Variants in GRK5 observed in about 807,000 individuals in gnomAD.
GRK5 encodes g protein-coupled receptor kinase GRK5.
GRK5 carries 40 observed loss-of-function variants against 78.4 expected under a neutral mutation model. The ratio of observed to expected loss-of-function variants is 0.51; its 90% CI spans 0.40 to 0.66. The LOEUF is 0.66. Among genes scored for constraint, GRK5 ranks in the 30% least tolerant of loss-of-function variants. The probability of loss-of-function intolerance (pLI) is 0.00; values close to 1 mark genes in which losing one functional copy is unlikely to be tolerated. For missense variants in GRK5, 598 were observed against 759.9 expected (o/e 0.79, Z 2.50); for synonymous variants, 289 against 296.8 (o/e 0.97, Z 0.27).
chr10:119,452,330 C>CT lies in GRK5; in HGVS notation c.1405-341_1405-340insT, dbSNP rs1853303538. 6.6e-6 allele frequency: 2 copies of CT among 301,522 alleles called. No individual in the cohort carries two copies. Among genetic ancestry groups the CT allele is most frequent in the African/African-American group, 4.3e-5 (2 of 46,978 alleles). The allele number at this position is 301,522 out of a possible 1,614,324, so 18.7% of individuals were successfully genotyped here. A position where few individuals can be genotyped will look rare whatever the true frequency, so the allele number is the denominator to read the frequency against. ...TAAGGGAGTGATGGCAGGAATGAGC[C>CT]CTGGGCTGGGCACCCAGGTGCCCCG... is the stretch of plus-strand genomic sequence containing the variant. On this transcript the variant is annotated intron_variant, in intron 13 of 15. Transcript: ENST00000392870. The surrounding 1 kb of genome is among the most constrained non-coding windows in gnomAD (Gnocchi z 4.4).
rs147251247 is a variant in GRK5 at position 119,441,920 on chromosome 10, C to T, written c.968-79C>T. On this transcript the variant is annotated intron_variant, in intron 10 of 15. Transcript: ENST00000392870. Reference sequence around the variant, plus strand: ...GATGAGAATGCCGAGAGCTCGTATGCCTTGCCCAAGGGCACACAGCAAGGC... The same window carrying T: ...GATGAGAATGCCGAGAGCTCGTATGTCTTGCCCAAGGGCACACAGCAAGGC... The T allele has an allele frequency of 7.4e-5, 83 of 1,118,450 alleles. 1 individual carries two copies. The African/African-American group carries it at 1.2e-3, about 16-fold the overall frequency. 69.3% of individuals were successfully genotyped at this position (1,118,450 alleles called of 1,614,324 possible).
Position 119,336,838 on chromosome 10 carries a change from G to A in GRK5, c.148+10227G>A, listed in dbSNP as rs1202381757. Reference sequence around the variant, plus strand: ...TGGAGGGCGAAATAAATTTAGATGTGTCGGGTTTGGAACATCAGGTGACCT... The same window carrying A: ...TGGAGGGCGAAATAAATTTAGATGTATCGGGTTTGGAACATCAGGTGACCT... On this transcript the variant is annotated intron_variant, in intron 2 of 15. Transcript: ENST00000392870. This position sits in a 1 kb window ranked among gnomAD's most constrained non-coding sequence, Gnocchi z 4.5. 6.6e-6 allele frequency among the ~76,000 whole-genome samples: 1 copy of A among 152,180 alleles called. No homozygotes were observed. Among genetic ancestry groups the A allele is most frequent in the Non-Finnish European group, 1.5e-5 (1 of 68,038 alleles).
At chr10:119,394,745 G>A (rs1181608081) in intron 3 of GRK5, among the ~76,000 whole-genome samples, 1 of 113,770 alleles carries the variant, frequency 8.8e-6, no homozygotes, top group Non-Finnish European at 2.0e-5. Flanking sequence ...GGGTGTGTGT[G>A]TGTCTGTGTG....
In GRK5 at chr10:119,307,569, T is replaced by C. The variant is rs1326833674; in HGVS notation, c.53-18947T>C. Among the ~76,000 whole-genome samples, 2 of 152,156 alleles carry C rather than the reference T, an allele frequency of 1.3e-5. 1 individual carries two copies. The highest frequency in any genetic ancestry group is 4.8e-5 in the African/African-American group (2 of 41,400). On this transcript the variant is annotated intron_variant, in intron 1 of 15. Coordinates refer to ENST00000392870, the MANE Select transcript of GRK5 (RefSeq NM_005308.3). ...TGAGCCAAGGAATAGAGGTGGCCTG[T>C]AGATTCTCCCCTGGAGTCTCCAGAA...
chr10:119,273,542 C>A (rs1407761893), intron 1 of GRK5, among the ~76,000 whole-genome samples: 1 of 152,188 alleles, frequency 6.6e-6, no homozygotes, highest in Non-Finnish European at 1.5e-5. Context: ...TCAAGCCCTC[C>A]CAAGGTGCTG....
chr10:119,289,116 CTG>C (rs1849908047), intron 1 of GRK5, among the ~76,000 whole-genome samples: 1 of 152,048 alleles, frequency 6.6e-6, no homozygotes, highest in Non-Finnish European at 1.5e-5. Context: ...TTTTCAGAAA[CTG>C]TGATTTTTCA....
intron 1 of GRK5, among the ~76,000 whole-genome samples, chr10:119,210,658 A>G (rs1244630549): frequency 6.6e-6 from 1 of 152,256 alleles, no homozygotes; most frequent in Non-Finnish European, 1.5e-5. Flanking sequence ...GATTCTTGTC[A>G]GTGGTTACAG....
In GRK5 at chr10:119,412,796, G is replaced by A. The variant is rs988699779; in HGVS notation, c.340-10370G>A. Among the ~76,000 whole-genome samples, 5 of 152,338 alleles carry A rather than the reference G, an allele frequency of 3.3e-5. No homozygotes were observed. The South Asian group carries it at 1.0e-3, about 32-fold the overall frequency. Reference sequence around the variant, plus strand: ...TCTCTGGTTGTGACCGTATGAGCATGTTTAATTGCAAGCCAGGGTTTAGGG... The same window carrying A: ...TCTCTGGTTGTGACCGTATGAGCATATTTAATTGCAAGCCAGGGTTTAGGG... On this transcript the variant is annotated intron_variant, in intron 4 of 15. Coordinates refer to ENST00000392870, the MANE Select transcript of GRK5 (RefSeq NM_005308.3). The surrounding 1 kb of genome is among the most constrained non-coding windows in gnomAD (Gnocchi z 4.3).
chr10:119,393,090 G>T (rs555797196), intron 3 of GRK5, among the ~76,000 whole-genome samples: 1 of 152,212 alleles, frequency 6.6e-6, no homozygotes, highest in African/African-American at 2.4e-5. Context: ...TCTGTAGGTG[G>T]CCTCTCAGGA....
intron 1 of GRK5, among the ~76,000 whole-genome samples, chr10:119,319,167 G>A (rs74157655): frequency 0.044 from 6,667 of 152,224 alleles, 216 homozygotes; most frequent in African/African-American, 0.087. Context: ...TCCCCAGTCT[G>A]GCAGGAGGGC....
At chr10:119,283,964 C>T (rs1849805360) in intron 1 of GRK5, among the ~76,000 whole-genome samples, 1 of 152,226 alleles carries the variant, frequency 6.6e-6, no homozygotes, top group Non-Finnish European at 1.5e-5. Flanking sequence ...GTGGTAACTG[C>T]ACATCTGTCT....
At chr10:119,249,410 A>G (rs554075354) in intron 1 of GRK5, among the ~76,000 whole-genome samples, 2 of 152,380 alleles carry the variant, frequency 1.3e-5, no homozygotes, top group South Asian at 2.1e-4. Flanking sequence ...CTTAGTACAT[A>G]TATCAAATAA....
At chr10:119,408,835 G>A (rs1009325827) in intron 4 of GRK5, among the ~76,000 whole-genome samples, 18 of 152,186 alleles carry the variant, frequency 1.2e-4, no homozygotes, top group African/African-American at 4.3e-4. Context: ...TAAAATGGTT[G>A]AAATGGTGAA....
chr10:119,217,982 C>T lies in GRK5; in HGVS notation c.52+10013C>T, dbSNP rs1848601544. The stretch of plus-strand genomic sequence containing the variant: ...CACCAAAGAGAGGGTATGAAGTGGC[C>T]TTTTCCCCCAGAAAAGCTCTCTCCG... On this transcript the variant is annotated intron_variant, in intron 1 of 15. Coordinates refer to ENST00000392870, the MANE Select transcript of GRK5 (RefSeq NM_005308.3). This position sits in a 1 kb window ranked among gnomAD's most constrained non-coding sequence, Gnocchi z 4.1. Among the ~76,000 whole-genome samples, 1 of 152,056 alleles carries T rather than the reference C, an allele frequency of 6.6e-6. No individual in the cohort carries two copies. Among genetic ancestry groups the T allele is most frequent in the Non-Finnish European group, 1.5e-5 (1 of 68,016 alleles).
In GRK5 at chr10:119,236,365, G is replaced by A. The variant is rs182922085; in HGVS notation, c.52+28396G>A. On this transcript the variant is annotated intron_variant, in intron 1 of 15. Coordinates refer to ENST00000392870, the MANE Select transcript of GRK5 (RefSeq NM_005308.3). ...CGAGTAGCTGGGACTACAGGCGCCCGCACCTCACCTGGCTAATTTTTTGTG... is the reference window on the plus strand; with the variant it reads ...CGAGTAGCTGGGACTACAGGCGCCCACACCTCACCTGGCTAATTTTTTGTG... 2.5e-3 allele frequency among the ~76,000 whole-genome samples: 382 copies of A among 151,522 alleles called. 5 individuals are homozygous for A. In the South Asian group the frequency reaches 0.028, roughly 11 times the overall value.
chr10:119,326,965 G>T (rs1261402948), intron 2 of GRK5, among the ~76,000 whole-genome samples: 1 of 152,254 alleles, frequency 6.6e-6, no homozygotes, highest in Non-Finnish European at 1.5e-5. Context: ...ACAGCTGATG[G>T]GAGGGTGGTG....
At chr10:119,322,521 G>A (rs992169161) in intron 1 of GRK5, among the ~76,000 whole-genome samples, 2 of 152,210 alleles carry the variant, frequency 1.3e-5, no homozygotes, top group African/African-American at 2.4e-5. Context: ...AGGGCCTGCC[G>A]CTTAGTATGT....
At chr10:119,435,297 G>A (rs1355210838) in intron 8 of GRK5, among the ~76,000 whole-genome samples, 2 of 152,206 alleles carry the variant, frequency 1.3e-5, no homozygotes, top group Admixed American at 1.3e-4. Context: ...TTTCTCCTCA[G>A]AAAATGGGAT....
chr10:119,435,164 G>T (rs908345120), intron 8 of GRK5, among the ~76,000 whole-genome samples: 1 of 152,196 alleles, frequency 6.6e-6, no homozygotes, highest in Non-Finnish European at 1.5e-5. Flanking sequence ...TAGGCCCCTG[G>T]GCCTGTGATG....
Sources: gnomAD v4.1 joint callset for allele counts (sites outside exome capture counted in the v4.1 genomes callset) on GRCh38, gnomAD v4.1.1 for gene constraint, Gnocchi (gnomAD v3.1) non-coding constraint, MANE v1.5 for transcripts, NCBI Gene and HGNC (gene_info 2026-07-23, HGNC 2026-07-21) for gene names.